DHX9: variants seen among roughly 807,000 people sequenced by gnomAD.
The protein encoded by DHX9 is ATP-dependent RNA helicase A.
Under a neutral mutation model 148.7 loss-of-function variants are expected in DHX9, and 27 were observed. That is an observed-to-expected ratio of 0.18 (90% confidence interval 0.13 to 0.25). DHX9 has a LOEUF of 0.25. Among genes scored for constraint, DHX9 ranks in the 10% least tolerant of loss-of-function variants. The pLI is 1.00. For synonymous variants in DHX9, 529 were observed against 516.6 expected, an observed-to-expected ratio of 1.02 and a Z score of -0.33; for missense variants, 796 against 1,559.6, an observed-to-expected ratio of 0.51 and a Z score of 8.25.
chr1:182,860,233 ATTCT>A (rs1205904445), intron 12 of DHX9, 49 bp downstream of exon 12: 7 of 1,391,202 alleles, frequency 5.0e-6, no homozygotes, highest in Non-Finnish European at 5.8e-6. Flanking sequence ...ACTATTTCTG[ATTCT>A]TTCTTTGATT....
intron 22 of DHX9, 115 bp from the exon 23 acceptor site, chr1:182,881,149 A>T: frequency 9.2e-7 from 1 of 1,089,180 alleles, no homozygotes; most frequent in Non-Finnish European, 1.3e-6. Flanking sequence ...TTTCATTGCA[A>T]ATAAAAGTAG....
chr1:182,858,370 C>T, intron 8 of DHX9, 130 bp downstream of exon 8: 2 of 1,176,116 alleles, frequency 1.7e-6, no homozygotes, highest in South Asian at 1.5e-5. Context: ...TGCTAATCAT[C>T]TCTGTGTCTG....
chr1:182,879,457 T>C (rs775413875), intron 21 of DHX9, 47 bp downstream of exon 21: 11 of 1,366,010 alleles, frequency 8.1e-6, no homozygotes, highest in Non-Finnish European at 1.1e-5. Flanking sequence ...AATCATACCA[T>C]CTGTCTTGTT....
In DHX9 at chr1:182,858,520, GTGT is replaced by G. The variant is rs779663281; in HGVS notation, c.811-26_811-24del. The G allele has an allele frequency of 3.9e-6, 6 of 1,551,102 alleles. No homozygotes were observed. In the East Asian group the frequency reaches 9.0e-5, roughly 23 times the overall value. ...AGCCCCATTATAGTAGATTTGAGTA[GTGT>G]TGTTAATGTGTGATCCTTTTTCCAT... is the stretch of plus-strand genomic sequence containing the variant. On this transcript the variant is annotated intron_variant, in intron 8 of 27. Transcript: ENST00000367549.
intron 3 of DHX9, among the ~76,000 whole-genome samples, chr1:182,849,739 C>G (rs866643253): frequency 5.9e-5 from 9 of 152,168 alleles, no homozygotes; most frequent in Middle Eastern, 6.8e-3. Context: ...AGTCAAACAT[C>G]TTTTGGGCTT....
In DHX9 at chr1:182,858,150, G is replaced by A. The variant is rs773795000; in HGVS notation, c.720G>A (p.Gln240=). Residue 240 remains glutamine, a synonymous_variant, in exon 8 of 28, where the codon CAG becomes CAA. Transcript: ENST00000367549. ...GATCAAATAAGAAATTGGCAGCACA[G>A]TCCTGTGCCCTGTCACTTGTCAGAC... ...EHGSNKKLAA[Q]SCALSLVRQL... is the part of the protein sequence containing the mutation. 6.8e-5 allele frequency: 109 copies of A among 1,613,990 alleles called. No homozygotes were observed. Among genetic ancestry groups the A allele is most frequent in the Admixed American group, 1.3e-4 (8 of 60,004 alleles).
At chr1:182,882,648 C>G (rs971406641) in intron 24 of DHX9, among the ~76,000 whole-genome samples, 3 of 152,066 alleles carry the variant, frequency 2.0e-5, no homozygotes, top group African/African-American at 7.2e-5. Context: ...AGGTGGATCA[C>G]GAGGTCAGGA....
At chr1:182,864,276 G>A (rs1453247364) in intron 12 of DHX9, among the ~76,000 whole-genome samples, 3 of 152,198 alleles carry the variant, frequency 2.0e-5, no homozygotes, top group Non-Finnish European at 4.4e-5. Flanking sequence ...TAGAGATGGT[G>A]TCTCACTGTG....
Position 182,887,371 on chromosome 1 carries a change from A to G in DHX9, c.3750A>G (p.Gly1250=). 2 of 1,613,810 alleles carry G rather than the reference A, an allele frequency of 1.2e-6. No individual in the cohort carries two copies. The highest frequency in any genetic ancestry group is 1.7e-5 in the Admixed American group (1 of 59,982). ...GAGGATCTGGGGGATTCCAGCGAGG[A>G]GGTGGTAGGGGGGCCTATGGAACTG... is the stretch of plus-strand genomic sequence containing the variant. The part of the protein sequence containing the change: ...GYRGSGGFQR[G]GGRGAYGTGY... Residue 1250 remains glycine (G), a synonymous_variant, in exon 28 of 28, where the codon GGA becomes GGG. Transcript: ENST00000367549.
intron 21 of DHX9, among the ~76,000 whole-genome samples, 158 bp downstream of exon 21, chr1:182,879,568 T>C (rs1039400240): frequency 1.8e-4 from 27 of 152,134 alleles, no homozygotes; most frequent in African/African-American, 6.3e-4. Flanking sequence ...AGATAGTTAG[T>C]ATAGTCACTG....
At chr1:182,877,878 TCTTA>T in intron 19 of DHX9, 139 bp from the exon 20 acceptor site, 1 of 928,506 alleles carries the variant, frequency 1.1e-6, no homozygotes, top group Non-Finnish European at 1.6e-6. Flanking sequence ...GATTGCTGAT[TCTTA>T]CTTGTGCCAT....
chr1:182,846,277 G>A (rs1668027807), intron 3 of DHX9, among the ~76,000 whole-genome samples: 1 of 141,938 alleles, frequency 7.0e-6, no homozygotes, highest in Admixed American at 7.1e-5. Context: ...CGCTTTTGTT[G>A]CCCAGGCTGG....
At chr1:182,869,623 A>AGTCTT (rs112615521) in intron 14 of DHX9, among the ~76,000 whole-genome samples, 11,827 of 152,084 alleles carry the variant, frequency 0.078, 1,213 homozygotes, top group African/African-American at 0.24. Flanking sequence ...TGTCCAGTCC[A>AGTCTT]GTCTTGTCTT....
chr1:182,843,526 G>C, intron 3 of DHX9, 92 bp downstream of exon 3: 2 of 1,232,100 alleles, frequency 1.6e-6, no homozygotes, highest in Non-Finnish European at 2.2e-6. Flanking sequence ...ATTTTTCACT[G>C]TTTTCAGATA....
At chr1:182,874,359 A>C (rs1398594857) in intron 15 of DHX9, among the ~76,000 whole-genome samples, 2 of 152,138 alleles carry the variant, frequency 1.3e-5, no homozygotes, top group African/African-American at 4.8e-5. Context: ...GAGTTTTTGG[A>C]TATAGAGGGT....
Position 182,860,063 on chromosome 1 carries a change from A to C in DHX9, c.1211A>C (p.Asn404Thr). The C allele has an allele frequency of 6.2e-7, 1 of 1,614,080 alleles. No homozygotes were observed. The highest frequency in any genetic ancestry group is 8.5e-7 in the Non-Finnish European group (1 of 1,179,996). The change falls in exon 12 of 28, where the codon AAT (asparagine) becomes ACT (threonine). Residue 404 changes from asparagine (N) to threonine (T), a missense_variant. Physicochemically the swap from Asn to Thr is moderately conservative, Grantham distance 65. Coordinates refer to ENST00000367549, the MANE Select transcript of DHX9 (RefSeq NM_001357.5). ...GAGATTCTGGAAGCAATCAGCCAAAATTCAGTTGTCATTATTAGAGGGGCT... is the reference window on the plus strand; with the variant it reads ...GAGATTCTGGAAGCAATCAGCCAAACTTCAGTTGTCATTATTAGAGGGGCT... ...ESEILEAISQ[N>T]SVVIIRGATG...
chr1:182,876,951 A>G (rs941815784), intron 19 of DHX9, 48 bp downstream of exon 19: 2 of 1,387,672 alleles, frequency 1.4e-6, no homozygotes, highest in Non-Finnish European at 2.0e-6. Flanking sequence ...TACTAACTGG[A>G]AACTTCTTAC....
rs558073822 is a variant in DHX9 at position 182,856,979 on chromosome 1, A to G, written c.673+401A>G. Among the ~76,000 whole-genome samples, 5 of 152,178 alleles carry G rather than the reference A, an allele frequency of 3.3e-5. No homozygotes were observed. The South Asian group carries it at 1.0e-3, about 32-fold the overall frequency. Reference sequence around the variant, plus strand: ...ATTCTCCTGCCTCAGCCTCCCCAGTAGCTGGGACTACAGGTGCTGCCACCA... The same window carrying G: ...ATTCTCCTGCCTCAGCCTCCCCAGTGGCTGGGACTACAGGTGCTGCCACCA... On this transcript the variant is annotated intron_variant, in intron 7 of 27. Coordinates refer to ENST00000367549, the MANE Select transcript of DHX9 (RefSeq NM_001357.5).
rs1649407850 is a variant in DHX9, at chr1:182,887,895, T to C, written c.*461T>C. 6.1e-6 allele frequency: 1 copy of C among 163,150 alleles called. No homozygotes were observed. Among genetic ancestry groups the C allele is most frequent in the African/African-American group, 2.4e-5 (1 of 41,548 alleles). 10.1% of individuals were successfully genotyped at this position (163,150 alleles called of 1,614,324 possible). A position where few individuals can be genotyped will look rare whatever the true frequency, so the allele number is the denominator to read the frequency against. On this transcript the variant is annotated 3_prime_UTR_variant, in exon 28 of 28. Coordinates refer to ENST00000367549, the MANE Select transcript of DHX9 (RefSeq NM_001357.5). ...ACTACTTGTAATAGAATAAATCATC[T>C]TGGAATTGAATTGTTACCTTTTGAA...
Sources: allele counts gnomAD v4.1 joint callset (sites outside exome capture counted in the v4.1 genomes callset), GRCh38; gene constraint gnomAD v4.1.1; transcripts MANE v1.5; gene names NCBI Gene and HGNC (gene_info 2026-07-23, HGNC 2026-07-21).